Variants in WNK1 observed in about 807,000 individuals in gnomAD.
The protein encoded by WNK1 is WNK lysine deficient protein kinase 1, also known as serine/threonine-protein kinase WNK1.
WNK1 carries 38 observed loss-of-function variants against 222.8 expected under a neutral mutation model. The ratio of observed to expected loss-of-function variants is 0.17; its 90% CI spans 0.13 to 0.22. The LOEUF (loss-of-function observed/expected upper bound fraction) is 0.22, where lower values mean the gene tolerates loss of function less well. WNK1 is among the 10% of genes least tolerant of loss of function. The probability of loss-of-function intolerance (pLI) is 1.00; values close to 1 mark genes in which losing one functional copy is unlikely to be tolerated. For synonymous variants in WNK1, 1,090 were observed against 1,092.9 expected, an observed-to-expected ratio of 1.00 and a Z score of 0.05; for missense variants, 2,348 against 2,918.4, an observed-to-expected ratio of 0.80 and a Z score of 4.50.
At chr12:883,113 C>T in intron 15 of WNK1, 54 bp downstream of exon 15, 1 of 1,268,704 alleles carries the variant, frequency 7.9e-7, no homozygotes, top group East Asian at 2.3e-5. Flanking sequence ...TCTTAATAGC[C>T]ATTGCTCTAG....
Position 753,345 on chromosome 12 carries a change from C to A in WNK1, c.-221C>A. ...GAATCGCCCGCCTTCGAGCCCTCCTCGTGAGCCGCAGCAGCCTCGGTGCCA... is the reference window on the plus strand; with the variant it reads ...GAATCGCCCGCCTTCGAGCCCTCCTAGTGAGCCGCAGCAGCCTCGGTGCCA... On this transcript the variant is annotated 5_prime_UTR_variant, in exon 1 of 28. Transcript: ENST00000315939. The surrounding 1 kb of genome is among the most constrained non-coding windows in gnomAD (Gnocchi z 5.2). 1.6e-6 allele frequency: 1 copy of A among 607,398 alleles called. No homozygotes were observed. Among genetic ancestry groups the A allele is most frequent in the Non-Finnish European group, 2.8e-6 (1 of 352,428 alleles). 37.6% of individuals were successfully genotyped at this position (607,398 alleles called of 1,614,324 possible). A position where few individuals can be genotyped will look rare whatever the true frequency, so the allele number is the denominator to read the frequency against.
At chr12:868,067 G>A in intron 8 of WNK1, 1 of 1,613,978 alleles carries the variant, frequency 6.2e-7, no homozygotes, top group Non-Finnish European at 8.5e-7. Flanking sequence ...GAGGACTGTT[G>A]GCCAAAGTCT....
rs1318411218 is a variant in WNK1 at position 830,100 on chromosome 12, A to C, written c.1251A>C (p.Thr417=). ...GGATGTGCATGCTTGAGATGGCTACATCTGAATATCCTTACTCGGAGTGCC... is the reference window on the plus strand; with the variant it reads ...GGATGTGCATGCTTGAGATGGCTACCTCTGAATATCCTTACTCGGAGTGCC... ...AFGMCMLEMA[T]SEYPYSECQN... Residue 417 remains threonine (T), a synonymous_variant, in exon 4 of 28, where the codon ACA becomes ACC. Transcript: ENST00000315939. 2.5e-6 allele frequency: 4 copies of C among 1,614,048 alleles called. No individual in the cohort carries two copies. In the African/African-American group the frequency reaches 5.3e-5, roughly 22 times the overall value.
intron 4 of WNK1, 35 bp downstream of exon 4, chr12:830,195 G>A: frequency 6.2e-7 from 1 of 1,611,416 alleles, no homozygotes; most frequent in Non-Finnish European, 8.5e-7. Flanking sequence ...TGAACTTGGG[G>A]CATATCTAAC....
intron 1 of WNK1, among the ~76,000 whole-genome samples, chr12:808,314 G>C (rs1206303694): frequency 6.6e-6 from 1 of 151,882 alleles, no homozygotes; most frequent in African/African-American, 2.4e-5. Context: ...TTTGGAGACG[G>C]GGTTTTGCTA....
Position 896,698 on chromosome 12 carries a change from G to A in WNK1, c.6211G>A (p.Asp2071Asn), listed in dbSNP as rs770190700. Reference sequence around the variant, plus strand: ...CAATGAGTCAGATATCGAAGATGAAGACTTAAAGTTAGAGCTGCGACGACT... The same window carrying A: ...CAATGAGTCAGATATCGAAGATGAAAACTTAAAGTTAGAGCTGCGACGACT... ...SDNESDIEDE[D>N]LKLELRRLRD... Residue 2071 changes from aspartate (D) to asparagine (N), a missense_variant, in exon 24 of 28, where the codon GAC becomes AAC. Physicochemically the swap from Asp to Asn is conservative, Grantham distance 23. This residue lies in a region of WNK1 where 1,144 missense variants were observed against 1,273.6 expected (regional missense o/e 0.90). Coordinates refer to ENST00000315939, the MANE Select transcript of WNK1 (RefSeq NM_018979.4). The A allele has an allele frequency of 1.2e-6, 2 of 1,609,372 alleles. No homozygotes were observed. The highest frequency in any genetic ancestry group is 4.5e-5 in the East Asian group (2 of 44,814).
intron 6 of WNK1, among the ~76,000 whole-genome samples, chr12:860,042 GAT>G (rs148310699): frequency 6.6e-6 from 1 of 151,918 alleles, no homozygotes; most frequent in Non-Finnish European, 1.5e-5. Context: ...AAAATATGTA[GAT>G]ATATATATAC....
At chr12:851,640 A>G (rs1950427278) in intron 4 of WNK1, 1 of 1,290,856 alleles carries the variant, frequency 7.7e-7, no homozygotes, top group Non-Finnish European at 1.0e-6. Context: ...TGTACATCAG[A>G]GACATTTTTT....
At chr12:871,520 G>GA (rs1335116387) in intron 9 of WNK1, among the ~76,000 whole-genome samples, 172 bp downstream of exon 9, 1 of 152,156 alleles carries the variant, frequency 6.6e-6, no homozygotes, top group African/African-American at 2.4e-5. Flanking sequence ...CTGTGTTTCA[G>GA]AAAAATCTCT....
rs1952811944 is a variant in WNK1 at position 878,366 on chromosome 12, A to AT, written c.2373+5_2373+6insT. 1.3e-6 allele frequency: 2 copies of AT among 1,550,812 alleles called. No homozygotes were observed. The highest frequency in any genetic ancestry group is 1.7e-6 in the Non-Finnish European group (2 of 1,150,274). On this transcript the variant is annotated splice_donor_region_variant and intron_variant, in intron 10 of 27. Transcript: ENST00000315939. ...CAAGTATCAGCTGGAAAACAGGTAA[A>AT]CTTTTTTTTTTTTTTTAAACAGGTA...
rs1272036022 is a variant in WNK1 at position 764,756 on chromosome 12, G to A, written c.759+10432G>A. 2.0e-5 allele frequency among the ~76,000 whole-genome samples: 3 copies of A among 146,768 alleles called. 1 individual carries two copies. The highest frequency in any genetic ancestry group is 4.6e-5 in the Non-Finnish European group (3 of 65,726). Reference sequence around the variant, plus strand: ...AAATTTAAGGTTGCCTCAGTAAGGGGGAGGTTGAATAAGAGAGAAGCACAT... The same window carrying A: ...AAATTTAAGGTTGCCTCAGTAAGGGAGAGGTTGAATAAGAGAGAAGCACAT... On this transcript the variant is annotated intron_variant, in intron 1 of 27. Transcript: ENST00000315939.
At chr12:796,066 G>T (rs1342295594) in intron 1 of WNK1, among the ~76,000 whole-genome samples, 2 of 152,064 alleles carry the variant, frequency 1.3e-5, no homozygotes, top group East Asian at 3.8e-4. Flanking sequence ...TAGAGACAGG[G>T]TTTCACCATG....
intron 4 of WNK1, among the ~76,000 whole-genome samples, chr12:855,441 C>A (rs1293632973): frequency 2.0e-5 from 3 of 152,132 alleles, no homozygotes; most frequent in Admixed American, 2.0e-4. Context: ...TTGGATATAA[C>A]TCTTGTACTT....
chr12:857,322 C>T lies in WNK1; in HGVS notation c.1400+73C>T, dbSNP rs994391289. 1.0e-5 allele frequency: 13 copies of T among 1,250,186 alleles called. No homozygotes were observed. In the African/African-American group the frequency reaches 1.6e-4, roughly 16 times the overall value. The allele number at this position is 1,250,186 out of a possible 1,614,324, so 77.4% of individuals were successfully genotyped here. ...AGTAATGTGCTTTGAGTACAACACACATTCTACGGTGTATTTAATATTTGT... is the reference window on the plus strand; with the variant it reads ...AGTAATGTGCTTTGAGTACAACACATATTCTACGGTGTATTTAATATTTGT... On this transcript the variant is annotated intron_variant, in intron 5 of 27. Coordinates refer to ENST00000315939, the MANE Select transcript of WNK1 (RefSeq NM_018979.4).
At chr12:804,443 GCTCACTGCAACCTA>G (rs1946164699) in intron 1 of WNK1, among the ~76,000 whole-genome samples, 2 of 114,284 alleles carry the variant, frequency 1.8e-5, no homozygotes, top group Admixed American at 8.2e-5. Context: ...CGCGATCTCA[GCTCACTGCAACCTA>G]TGCGTCCCAG....
At position 788,897 on chromosome 12, in the gene WNK1, AAG is replaced by A. The variant is rs1288171057; in HGVS notation, c.760-24743_760-24742del. 2.6e-5 allele frequency among the ~76,000 whole-genome samples: 4 copies of A among 152,138 alleles called. No individual in the cohort carries two copies. In the South Asian group the frequency reaches 6.2e-4, roughly 24 times the overall value. ...GCAAGACTCTGTCTCGGGGGGGAAA[AAG>A]AAAGGTAAGTGAGCAAACATCTGTT... On this transcript the variant is annotated intron_variant, in intron 1 of 27. Coordinates refer to ENST00000315939, the MANE Select transcript of WNK1 (RefSeq NM_018979.4).
At chr12:804,652 C>G (rs1031063536) in intron 1 of WNK1, among the ~76,000 whole-genome samples, 2 of 152,086 alleles carry the variant, frequency 1.3e-5, no homozygotes, top group Non-Finnish European at 2.9e-5. Context: ...GGATTACAGG[C>G]GTGAGCCACC....
At chr12:754,927 T>C (rs950561472) in intron 1 of WNK1, among the ~76,000 whole-genome samples, 1 of 152,244 alleles carries the variant, frequency 6.6e-6, no homozygotes, top group African/African-American at 2.4e-5. Flanking sequence ...ATTAAACTAA[T>C]GTCTTTCAGC....
chr12:843,279 A>T (rs1949768380), intron 4 of WNK1, among the ~76,000 whole-genome samples: 1 of 152,082 alleles, frequency 6.6e-6, no homozygotes. Flanking sequence ...GTAATCCTTT[A>T]CACTCTTTAA....
Sources: gnomAD v4.1 joint callset for allele counts (sites outside exome capture counted in the v4.1 genomes callset) on GRCh38, gnomAD v4.1.1 for gene constraint, gnomAD v4.1.1 regional missense constraint, Gnocchi (gnomAD v3.1) non-coding constraint, MANE v1.5 for transcripts, NCBI Gene and HGNC (gene_info 2026-07-23, HGNC 2026-07-21) for gene names.